Variants in DCC observed in about 807,000 individuals in gnomAD.
DCC encodes the protein netrin receptor DCC.
A neutral mutation model predicts 172.5 loss-of-function variants in DCC; 58 were observed. The ratio of observed to expected loss-of-function variants is 0.34; its 90% confidence interval spans 0.27 to 0.42. The LOEUF (loss-of-function observed/expected upper bound fraction) is 0.42, where lower values mean the gene tolerates loss of function less well. DCC is among the 10% of genes least tolerant of loss of function. DCC has a pLI of 1.00. For synonymous variants in DCC, 709 were observed against 644.5 expected, an observed-to-expected ratio of 1.10 and a Z score of -1.52; for missense variants, 1,740 against 1,791.0, an observed-to-expected ratio of 0.97 and a Z score of 0.51.
chr18:52,550,271 G>T (rs1174321405), intron 1 of DCC, among the ~76,000 whole-genome samples: 2 of 151,940 alleles, frequency 1.3e-5, no homozygotes, highest in African/African-American at 4.8e-5. Context: ...GAAGGTCTGA[G>T]AAACTGTCAC....
At chr18:52,780,255 C>A (rs1232786040) in intron 2 of DCC, among the ~76,000 whole-genome samples, 1 of 152,122 alleles carries the variant, frequency 6.6e-6, no homozygotes, top group African/African-American at 2.4e-5. Flanking sequence ...ACCCAGGAAT[C>A]TAGCTCAATT....
intron 1 of DCC, among the ~76,000 whole-genome samples, chr18:52,520,549 T>A (rs1274802008): frequency 6.6e-6 from 1 of 152,156 alleles, no homozygotes; most frequent in Non-Finnish European, 1.5e-5. Flanking sequence ...AAGAAGAAAT[T>A]TGCGGGGAGG....
chr18:53,394,420 A>G (rs1483357641), intron 17 of DCC, among the ~76,000 whole-genome samples: 1 of 152,154 alleles, frequency 6.6e-6, no homozygotes, highest in Non-Finnish European at 1.5e-5. Context: ...TTACTCCCAA[A>G]TCTATAATAC....
At chr18:52,902,011 G>A (rs74945037) in intron 2 of DCC, among the ~76,000 whole-genome samples, 6,142 of 152,260 alleles carry the variant, frequency 0.04, 175 homozygotes, top group Non-Finnish European at 0.062. Context: ...ATTTTTGATT[G>A]AGTACCTAAA....
intron 5 of DCC, among the ~76,000 whole-genome samples, chr18:53,055,041 T>G (rs969119219): frequency 6.6e-6 from 1 of 152,114 alleles, no homozygotes; most frequent in African/African-American, 2.4e-5. Context: ...ATTACTCATC[T>G]GCAGCCAGAA....
chr18:52,641,229 G>T (rs141016383), intron 1 of DCC, among the ~76,000 whole-genome samples: 2 of 152,218 alleles, frequency 1.3e-5, no homozygotes, highest in African/African-American at 4.8e-5. Context: ...GATGGATTAA[G>T]AACTTAAACC....
At chr18:53,396,855 A>C (rs1908977769) in intron 17 of DCC, among the ~76,000 whole-genome samples, 1 of 152,168 alleles carries the variant, frequency 6.6e-6, no homozygotes, top group African/African-American at 2.4e-5. Context: ...CAATGCAGAA[A>C]ATTTCAAAAA....
intron 5 of DCC, among the ~76,000 whole-genome samples, chr18:53,058,119 G>A (rs1002622244): frequency 1.3e-5 from 2 of 152,014 alleles, no homozygotes; most frequent in Non-Finnish European, 2.9e-5. Context: ...ATATATCCAT[G>A]GCCATTGATG....
chr18:53,064,995 T>C (rs2042546531), intron 6 of DCC, among the ~76,000 whole-genome samples: 2 of 152,234 alleles, frequency 1.3e-5, no homozygotes, highest in African/African-American at 4.8e-5. Context: ...ATTTAAATTC[T>C]TCTTTTATAG....
intron 1 of DCC, among the ~76,000 whole-genome samples, chr18:52,527,823 C>T (rs972177105): frequency 3.8e-4 from 58 of 152,208 alleles, no homozygotes; most frequent in Middle Eastern, 3.4e-3. Flanking sequence ...TTGGCATGTA[C>T]GAGGGCATTA....
At chr18:53,123,783 T>A (rs1042717625) in intron 7 of DCC, among the ~76,000 whole-genome samples, 4 of 152,132 alleles carry the variant, frequency 2.6e-5, no homozygotes, top group Non-Finnish European at 5.9e-5. Context: ...CTCCCCTCTG[T>A]GATTATGGCA....
At chr18:52,791,733 TGGAG>T (rs963710972) in intron 2 of DCC, among the ~76,000 whole-genome samples, 7 of 152,134 alleles carry the variant, frequency 4.6e-5, no homozygotes, top group African/African-American at 1.7e-4. Flanking sequence ...TCCTCCTTGA[TGGAG>T]GAAGTGTGCT....
At position 52,848,253 on chromosome 18, in the gene DCC, T is replaced by TTA. The variant is rs776031171; in HGVS notation, c.413-57781_413-57780dup. ...GCATCTGCCACCATGCCCAGCTATT[T>TTA]TATATATATATTTGGTAAAGATGGG... On this transcript the variant is annotated intron_variant, in intron 2 of 28. Coordinates refer to ENST00000442544, the MANE Select transcript of DCC (RefSeq NM_005215.4). Among the ~76,000 whole-genome samples the TTA allele has an allele frequency of 5.3e-5, 8 of 152,074 alleles. No homozygotes were observed. In the East Asian group the frequency reaches 7.8e-4, roughly 15 times the overall value.
At chr18:52,625,515 C>T (rs1353926627) in intron 1 of DCC, among the ~76,000 whole-genome samples, 1 of 152,130 alleles carries the variant, frequency 6.6e-6, no homozygotes, top group Non-Finnish European at 1.5e-5. Flanking sequence ...GACTTTACTC[C>T]TGTAGTTCTC....
chr18:53,262,537 A>G lies in DCC; in HGVS notation c.1912-43041A>G, dbSNP rs143121602. Among the ~76,000 whole-genome samples, 7 of 152,354 alleles carry G rather than the reference A, an allele frequency of 4.6e-5. No homozygotes were observed. The East Asian group carries it at 1.2e-3, about 25-fold the overall frequency. On this transcript the variant is annotated intron_variant, in intron 12 of 28. Transcript: ENST00000442544. ...GATAATGTTTGCTAAATTTTCATGC[A>G]CATATTTAAAACATGCAGTGAGCAT...
chr18:52,419,263 C>T (rs1568161820), intron 1 of DCC: 1 of 152,134 alleles, frequency 6.6e-6, no homozygotes, highest in African/African-American at 2.4e-5. Context: ...TTGGAGAGTC[C>T]AGTGCATTTA....
At chr18:52,702,768 C>A (rs1244609618) in intron 1 of DCC, among the ~76,000 whole-genome samples, 9 of 152,186 alleles carry the variant, frequency 5.9e-5, no homozygotes, top group Non-Finnish European at 1.3e-4. Flanking sequence ...CAATTACCTA[C>A]TTTCTAAGGT....
At chr18:52,638,145 A>G (rs764823043) in intron 1 of DCC, among the ~76,000 whole-genome samples, 4 of 152,204 alleles carry the variant, frequency 2.6e-5, no homozygotes, top group Non-Finnish European at 4.4e-5. Context: ...CCAAGCCACC[A>G]CTACAAGAAC....
intron 15 of DCC, among the ~76,000 whole-genome samples, chr18:53,359,606 T>C (rs2057921419): frequency 6.6e-6 from 1 of 152,122 alleles, no homozygotes; most frequent in Non-Finnish European, 1.5e-5. Flanking sequence ...TGAAAAAATG[T>C]GAATAATTAT....
Sources: gnomAD v4.1 joint callset for allele counts (sites outside exome capture counted in the v4.1 genomes callset) on GRCh38, gnomAD v4.1.1 for gene constraint, MANE v1.5 for transcripts, NCBI Gene and HGNC (gene_info 2026-07-23, HGNC 2026-07-21) for gene names.